TNFRSF8: variants seen among roughly 807,000 people sequenced by gnomAD.
TNFRSF8 encodes tumor necrosis factor receptor superfamily member 8.
Under a neutral mutation model 70.8 loss-of-function variants are expected in TNFRSF8, and 26 were observed. The observed-to-expected ratio is 0.37, with a 90% CI of 0.27 to 0.51. TNFRSF8 has a LOEUF of 0.51. Among genes scored for constraint, TNFRSF8 ranks in the 20% least tolerant of loss-of-function variants. The pLI is 0.94. For synonymous variants in TNFRSF8, 356 were observed against 339.2 expected, an observed-to-expected ratio of 1.05 and a Z score of -0.54; for missense variants, 720 against 807.9, an observed-to-expected ratio of 0.89 and a Z score of 1.32.
rs567566727 is a variant in TNFRSF8 at position 12,078,293 on chromosome 1, G to A, written c.64-6171G>A. On this transcript the variant is annotated intron_variant, in intron 1 of 14. Coordinates refer to ENST00000263932, the MANE Select transcript of TNFRSF8 (RefSeq NM_001243.5). ...AAGCAGTCAGTCTCGGCCAGGCATG[G>A]TGGCTCATGCCTGTAATCCCAGCAC... Among the ~76,000 whole-genome samples the A allele has an allele frequency of 7.9e-5, 12 of 152,282 alleles. No homozygotes were observed. In the South Asian group the frequency reaches 8.3e-4, roughly 11 times the overall value.
At chr1:12,115,348 C>T (rs544924988) in intron 7 of TNFRSF8, among the ~76,000 whole-genome samples, 66 of 152,360 alleles carry the variant, frequency 4.3e-4, no homozygotes, top group African/African-American at 1.5e-3. Flanking sequence ...CAATAGCTTG[C>T]ATGTAAATGC....
chr1:12,065,024 G>T (rs1427030272), intron 1 of TNFRSF8, among the ~76,000 whole-genome samples: 1 of 149,498 alleles, frequency 6.7e-6, no homozygotes, highest in Non-Finnish European at 1.5e-5. Context: ...TCACTCTGTT[G>T]TCCAGGCTGG....
In TNFRSF8 at chr1:12,142,249, T is replaced by C; in HGVS notation, c.1544-38T>C. ...TCTTTGCTCCCATCCTGGCTGGTGC[T>C]CTGGCCTCCCTCGCTCACCCATCCT... On this transcript the variant is annotated intron_variant, in intron 14 of 14. Coordinates refer to ENST00000263932, the MANE Select transcript of TNFRSF8 (RefSeq NM_001243.5). This position sits in a 1 kb window ranked among gnomAD's most constrained non-coding sequence, Gnocchi z 5.0. The C allele has an allele frequency of 6.5e-7, 1 of 1,529,094 alleles. No homozygotes were observed. The highest frequency in any genetic ancestry group is 8.8e-7 in the Non-Finnish European group (1 of 1,132,756). The allele number at this position is 1,529,094 out of a possible 1,614,324, so 94.7% of individuals were successfully genotyped here. A position where few individuals can be genotyped will look rare whatever the true frequency, so the allele number is the denominator to read the frequency against.
At chr1:12,121,198 C>T (rs1641823134) in intron 8 of TNFRSF8, among the ~76,000 whole-genome samples, 1 of 152,242 alleles carries the variant, frequency 6.6e-6, no homozygotes, top group African/African-American at 2.4e-5. Context: ...TCATCTTCCC[C>T]ATAGTCTCCA....
At chr1:12,094,022 G>A (rs988699518) in intron 2 of TNFRSF8, among the ~76,000 whole-genome samples, 2 of 138,038 alleles carry the variant, frequency 1.4e-5, no homozygotes, top group Non-Finnish European at 3.0e-5. Context: ...TCCTGCCACT[G>A]CACTCCAGCC....
At chr1:12,097,728 T>C (rs1380510676) in intron 3 of TNFRSF8, among the ~76,000 whole-genome samples, 1 of 152,056 alleles carries the variant, frequency 6.6e-6, no homozygotes, top group African/African-American at 2.4e-5. Context: ...ATCTAGTGTT[T>C]ATTTTTGTGT....
chr1:12,080,619 G>A, intron 1 of TNFRSF8: 1 of 298,060 alleles, frequency 3.4e-6, no homozygotes, highest in Non-Finnish European at 6.6e-6. Flanking sequence ...GTGCAATGGT[G>A]CGTTCTTGGC....
Position 12,123,352 on chromosome 1 carries a change from C to G in TNFRSF8, c.1015C>G (p.Pro339Ala). The stretch of plus-strand genomic sequence containing the variant: ...GACCCAGCCGGACTGCAACCCCACC[C>G]CAGAGAATGGCGAGGCGCCTGCCAG... ...LGTQPDCNPT[P>A]ENGEAPASTS... Residue 339 changes from proline to alanine, a missense_variant, in exon 9 of 15, where the codon CCA becomes GCA. By Grantham distance (27) the Pro-to-Ala change is conservative. Transcript: ENST00000263932. 1 of 1,613,042 alleles carries G rather than the reference C, an allele frequency of 6.2e-7. No homozygotes were observed. The highest frequency in any genetic ancestry group is 8.5e-7 in the Non-Finnish European group (1 of 1,179,692).
At chr1:12,066,469 T>G (rs1318064914) in intron 1 of TNFRSF8, among the ~76,000 whole-genome samples, 2 of 151,832 alleles carry the variant, frequency 1.3e-5, no homozygotes, top group Non-Finnish European at 2.9e-5. Flanking sequence ...TTCTACCGTC[T>G]CAGCCTCCCT....
At chr1:12,097,314 T>C in intron 3 of TNFRSF8, 97 bp downstream of exon 3, 1 of 843,364 alleles carries the variant, frequency 1.2e-6, no homozygotes, top group East Asian at 2.5e-5. Context: ...AGCATCATGA[T>C]TTGATGTCTG....
intron 1 of TNFRSF8, among the ~76,000 whole-genome samples, chr1:12,066,308 TA>T (rs142447195): frequency 6.7e-5 from 10 of 149,600 alleles, no homozygotes; most frequent in South Asian, 2.1e-4. Flanking sequence ...CTCGTTATTT[TA>T]AAAAAAAAAT....
At position 12,090,397 on chromosome 1, in the gene TNFRSF8, C is replaced by G. The variant is rs372018609; in HGVS notation, c.151+5846C>G. 2.0e-5 allele frequency among the ~76,000 whole-genome samples: 3 copies of G among 151,864 alleles called. No homozygotes were observed. The East Asian group carries it at 5.8e-4, about 29-fold the overall frequency. ...ACTCACTCATCCACTGTTCCTCCAC[C>G]CATCCATCCATCTACCCATCTACCC... is the stretch of plus-strand genomic sequence containing the variant. On this transcript the variant is annotated intron_variant, in intron 2 of 14. Coordinates refer to ENST00000263932, the MANE Select transcript of TNFRSF8 (RefSeq NM_001243.5).
chr1:12,083,745 C>A (rs1398072539), intron 1 of TNFRSF8, among the ~76,000 whole-genome samples: 1 of 152,176 alleles, frequency 6.6e-6, no homozygotes, highest in Non-Finnish European at 1.5e-5. Flanking sequence ...TTGTGTGATG[C>A]TATACTGCAA....
intron 10 of TNFRSF8, 75 bp from the exon 11 acceptor site, chr1:12,125,876 G>A: frequency 8.7e-7 from 1 of 1,155,994 alleles, no homozygotes; most frequent in Non-Finnish European, 1.3e-6. Flanking sequence ...AGGAGAAGGA[G>A]GAAGTCGTCT....
intron 4 of TNFRSF8, among the ~76,000 whole-genome samples, chr1:12,105,976 A>G (rs1238353740): frequency 6.7e-6 from 1 of 150,082 alleles, no homozygotes; most frequent in Non-Finnish European, 1.5e-5. Flanking sequence ...CCAGGGACTC[A>G]CCACGGTGTC....
rs1231429501 is a variant in TNFRSF8, at chr1:12,108,321, G to A, written c.422-1245G>A. Among the ~76,000 whole-genome samples, 1 of 151,498 alleles carries A rather than the reference G, an allele frequency of 6.6e-6. No individual in the cohort carries two copies. The highest frequency in any genetic ancestry group is 1.5e-5 in the Non-Finnish European group (1 of 67,870). On this transcript the variant is annotated intron_variant, in intron 4 of 14. Transcript: ENST00000263932. This position sits in a 1 kb window ranked among gnomAD's most constrained non-coding sequence, Gnocchi z 4.0. ...TCTCGAACTCCTGACCTCATGATCC[G>A]CCCACCTCGGCCTCCCAAAGTGTTG...
chr1:12,138,574 C>T lies in TNFRSF8; in HGVS notation c.1543+138C>T. 1.1e-6 allele frequency: 1 copy of T among 892,502 alleles called. No individual in the cohort carries two copies. The highest frequency in any genetic ancestry group is 2.7e-5 in the East Asian group (1 of 36,746). The allele number at this position is 892,502 out of a possible 1,614,324, so 55.3% of individuals were successfully genotyped here. On this transcript the variant is annotated intron_variant, in intron 14 of 14. Transcript: ENST00000263932. The surrounding 1 kb of genome is among the most constrained non-coding windows in gnomAD (Gnocchi z 5.7). ...AAAGGAGAGGCATAGATTCTTCACC[C>T]CAATTGAAGTTTCTGTAAGTAGGGA...
Position 12,141,059 on chromosome 1 carries a change from C to T in TNFRSF8, c.1544-1228C>T, listed in dbSNP as rs999246765. ...ACTCTGGGCCTTCTCCTCTTGCTGC[C>T]GTTTGGCGCACTTCTCTCTTTCCTG... On this transcript the variant is annotated intron_variant, in intron 14 of 14. Transcript: ENST00000263932. This position sits in a 1 kb window ranked among gnomAD's most constrained non-coding sequence, Gnocchi z 5.4. 2.0e-5 allele frequency among the ~76,000 whole-genome samples: 3 copies of T among 152,216 alleles called. No individual in the cohort carries two copies. Among genetic ancestry groups the T allele is most frequent in the Admixed American group, 6.5e-5 (1 of 15,286 alleles).
chr1:12,069,847 G>A lies in TNFRSF8; in HGVS notation c.63+6186G>A, dbSNP rs961387592. ...ATCCTGTAGTGTGAGAGAGACGGGC[G>A]GCTCCCTAAGATGGGGAAAACAGGA... On this transcript the variant is annotated intron_variant, in intron 1 of 14. Transcript: ENST00000263932. 5.3e-5 allele frequency among the ~76,000 whole-genome samples: 8 copies of A among 152,286 alleles called. No homozygotes were observed. In the South Asian group the frequency reaches 6.2e-4, roughly 12 times the overall value.
Sources: allele counts gnomAD v4.1 joint callset (sites outside exome capture counted in the v4.1 genomes callset), GRCh38; gene constraint gnomAD v4.1.1; non-coding constraint Gnocchi (gnomAD v3.1); transcripts MANE v1.5; gene names NCBI Gene and HGNC (gene_info 2026-07-23, HGNC 2026-07-21).